CFAP46: variants seen among roughly 807,000 people sequenced by gnomAD.
The protein encoded by CFAP46 is cilia and flagella associated protein 46, also known as cilia- and flagella-associated protein 46.
A neutral mutation model predicts 325.7 loss-of-function variants in CFAP46; 245 were observed. The observed-to-expected ratio is 0.75, with a 90% confidence interval of 0.68 to 0.84. The LOEUF (loss-of-function observed/expected upper bound fraction) is 0.84. Among genes scored for constraint, CFAP46 ranks in the 40% least tolerant of loss-of-function variants. CFAP46 has a pLI of 0.00. For missense variants in CFAP46, 3,346 were observed against 3,543.0 expected (o/e 0.94, Z 1.41); for synonymous variants, 1,523 against 1,495.9 (o/e 1.02, Z -0.42).
chr10:132,811,216 C>T (rs551540499), intron 55 of CFAP46, among the ~76,000 whole-genome samples, 185 bp from the exon 56 acceptor site: 27 of 152,332 alleles, frequency 1.8e-4, no homozygotes, highest in African/African-American at 6.0e-4. Context: ...CAGTGGACCT[C>T]GCCAGCCTCA....
Position 132,869,168 on chromosome 10 carries a change from A to T in CFAP46, c.4610+106T>A. 1.1e-6 allele frequency: 1 copy of T among 891,708 alleles called. No homozygotes were observed. The highest frequency in any genetic ancestry group is 1.6e-6 in the Non-Finnish European group (1 of 616,012). 55.2% of individuals were successfully genotyped at this position (891,708 alleles called of 1,614,324 possible). A position where few individuals can be genotyped will look rare whatever the true frequency, so the allele number is the denominator to read the frequency against. On this transcript the variant is annotated intron_variant, in intron 33 of 57. Transcript: ENST00000368586. The surrounding 1 kb of genome is among the most constrained non-coding windows in gnomAD (Gnocchi z 6.2). ...TCCCCCAAGTGCTCACTCTCCCCAG[A>T]GGGGCAGGAGTCCAGGGAAGAGGGT...
At chr10:132,812,338 C>T (rs1339013975) in intron 55 of CFAP46, among the ~76,000 whole-genome samples, 1 of 152,230 alleles carries the variant, frequency 6.6e-6, no homozygotes, top group Non-Finnish European at 1.5e-5. Context: ...CCACACCTGG[C>T]AGCCCCTCCA....
At chr10:132,816,673 C>G (rs1034353018) in intron 50 of CFAP46, among the ~76,000 whole-genome samples, 4 of 152,184 alleles carry the variant, frequency 2.6e-5, no homozygotes, top group Non-Finnish European at 5.9e-5. Context: ...TTCTGAATTC[C>G]TGGCGCTTTT....
chr10:132,878,387 G>T lies in CFAP46; in HGVS notation c.4006-300C>A, dbSNP rs1015874016. Among the ~76,000 whole-genome samples, 5 of 152,166 alleles carry T rather than the reference G, an allele frequency of 3.3e-5. No individual in the cohort carries two copies. In the South Asian group the frequency reaches 8.3e-4, roughly 25 times the overall value. ...ACAGCGGGACACCCCTGGCCCTGGG[G>T]CTCCCTGCTGGCCATCCCGCACTCT... On this transcript the variant is annotated intron_variant, in intron 29 of 57. Transcript: ENST00000368586.
intron 18 of CFAP46, 110 bp from the exon 19 acceptor site, chr10:132,912,930 C>T (rs1849576512): frequency 9.5e-6 from 14 of 1,481,084 alleles, no homozygotes; most frequent in Middle Eastern, 2.3e-4. Flanking sequence ...CGGGTGCCCA[C>T]GACCCTCCTC....
chr10:132,872,933 G>T, intron 31 of CFAP46, 109 bp from the exon 32 acceptor site: 2 of 1,262,102 alleles, frequency 1.6e-6, no homozygotes, highest in East Asian at 2.5e-5. Context: ...GCACATGTCT[G>T]CACACAGCAG....
Position 132,850,251 on chromosome 10 carries a change from C to T in CFAP46, c.5945G>A (p.Gly1982Asp). 1 of 1,550,588 alleles carries T rather than the reference C, an allele frequency of 6.4e-7. No individual in the cohort carries two copies. Among genetic ancestry groups the T allele is most frequent in the Non-Finnish European group, 8.7e-7 (1 of 1,146,854 alleles). ...AGAAGCAGGAGCACCTACCGAGGGG[C>T]CCGCCTCCCAGTAGCAGGTAGGGTG... Reference protein sequence around the residue: ...PVHPTCYWEAGPSVGAKLSGL... With the variant: ...PVHPTCYWEADPSVGAKLSGL... The change falls in exon 41 of 58, where the codon GGC (glycine) becomes GAC (aspartate). Residue 1982 changes from glycine to aspartate, a missense_variant. Coordinates refer to ENST00000368586, the MANE Select transcript of CFAP46 (RefSeq NM_001200049.3).
intron 22 of CFAP46, among the ~76,000 whole-genome samples, chr10:132,900,381 C>CA (rs976603191): frequency 1.3e-5 from 2 of 152,386 alleles, no homozygotes; most frequent in Admixed American, 1.3e-4. Context: ...GCTGGGGCTG[C>CA]AACGCCACAC....
chr10:132,900,872 A>G (rs997919844), intron 22 of CFAP46, among the ~76,000 whole-genome samples: 5 of 152,256 alleles, frequency 3.3e-5, no homozygotes, highest in African/African-American at 7.2e-5. Flanking sequence ...GTTAAAATCT[A>G]CAGCTAGAAT....
chr10:132,844,597 T>C (rs1848403941), intron 44 of CFAP46, among the ~76,000 whole-genome samples: 2 of 151,606 alleles, frequency 1.3e-5, no homozygotes, highest in South Asian at 4.2e-4. Flanking sequence ...GCCTGAGGAG[T>C]GGTGGCCCCC....
In CFAP46 at chr10:132,885,821, A is replaced by G. The variant is rs757558718; in HGVS notation, c.3443T>C (p.Leu1148Pro). ...VQVLPRTAHR[L>P]LIFKHMVIVK... ...CACAGGCGGTGGGGGGAGCACTCAC[A>G]GGCGGTGGGCCGTCCTTGGCAGCAC... The change falls in exon 26 of 58, where the codon CTC (leucine) becomes CCC (proline). Residue 1148 changes from leucine (L) to proline (P), a missense_variant and splice_region_variant. Leu to Pro is a moderately conservative substitution (Grantham distance 98, BLOSUM62 -3). Coordinates refer to ENST00000368586, the MANE Select transcript of CFAP46 (RefSeq NM_001200049.3). 6.6e-7 allele frequency: 1 copy of G among 1,508,092 alleles called. No individual in the cohort carries two copies. The highest frequency in any genetic ancestry group is 1.4e-5 in the African/African-American group (1 of 71,732). 93.4% of individuals were successfully genotyped at this position (1,508,092 alleles called of 1,614,324 possible). A position where few individuals can be genotyped will look rare whatever the true frequency, so the allele number is the denominator to read the frequency against.
chr10:132,814,742 C>A lies in CFAP46; in HGVS notation c.7193G>T (p.Ser2398Ile). The change falls in exon 52 of 58, where the codon AGC becomes ATC. Residue 2398 changes from serine to isoleucine, a missense_variant. Ser to Ile is a moderately radical substitution (Grantham distance 142). Coordinates refer to ENST00000368586, the MANE Select transcript of CFAP46 (RefSeq NM_001200049.3). ...RSLAKKGRKGSIPRTIPPDCI... is the reference protein window; with the variant it reads ...RSLAKKGRKGIIPRTIPPDCI... ...GTCAGGGGGGATGGTCCGGGGGATG[C>A]TGCCCTGCAACCACAGACCAGGGTC... 6.2e-7 allele frequency: 1 copy of A among 1,613,666 alleles called. No homozygotes were observed. The highest frequency in any genetic ancestry group is 8.5e-7 in the Non-Finnish European group (1 of 1,179,832).
Position 132,808,703 on chromosome 10 carries a change from G to GTGGGGA in CFAP46, c.7860_7865dup (p.Pro2621_His2622dup), listed in dbSNP as rs1026442359. The GTGGGGA allele has an allele frequency of 6.4e-7, 1 of 1,569,258 alleles. No homozygotes were observed. The highest frequency in any genetic ancestry group is 1.4e-5 in the African/African-American group (1 of 73,794). ...GGGAGCTGGGGATGGGAGCCGGGAGGTGGGGATGGGTTGGCAGAGGGGCAG... is the reference window on the plus strand; with the variant it reads ...GGGAGCTGGGGATGGGAGCCGGGAGGTGGGGATGGGGATGGGTTGGCAGAGGGGCAG... On this transcript the variant is annotated inframe_insertion, in exon 58 of 58. Transcript: ENST00000368586. The surrounding 1 kb of genome is among the most constrained non-coding windows in gnomAD (Gnocchi z 6.8).
chr10:132,839,206 G>A (rs1848312291), intron 44 of CFAP46, among the ~76,000 whole-genome samples: 1 of 150,754 alleles, frequency 6.6e-6, no homozygotes, highest in Non-Finnish European at 1.5e-5. Flanking sequence ...GAATTTCAGC[G>A]CAGTCTGATT....
rs1280666344 is a variant in CFAP46 at position 132,817,416 on chromosome 10, G to T, written c.7118-2502C>A. Among the ~76,000 whole-genome samples, 4 of 152,122 alleles carry T rather than the reference G, an allele frequency of 2.6e-5. No individual in the cohort carries two copies. Among genetic ancestry groups the T allele is most frequent in the African/African-American group, 4.8e-5 (2 of 41,420 alleles). On this transcript the variant is annotated intron_variant, in intron 50 of 57. Transcript: ENST00000368586. This position sits in a 1 kb window ranked among gnomAD's most constrained non-coding sequence, Gnocchi z 4.4. ...ATCTCCTGTGTCTTCTCACTGGCAG[G>T]GTTGGCCAATTTTCTTTTTTTGATA...
Position 132,919,115 on chromosome 10 carries a change from C to T in CFAP46, c.1858+200G>A, listed in dbSNP as rs746409216. Among the ~76,000 whole-genome samples, 8 of 152,220 alleles carry T rather than the reference C, an allele frequency of 5.3e-5. No homozygotes were observed. The highest frequency in any genetic ancestry group is 1.0e-4 in the Non-Finnish European group (7 of 68,036). ...GAGTGTGACGACGGTGCTCGTGGCT[C>T]GGCCGACACAGCCAGATGTGGCCGC... On this transcript the variant is annotated intron_variant, in intron 15 of 57. Transcript: ENST00000368586. The surrounding 1 kb of genome is among the most constrained non-coding windows in gnomAD (Gnocchi z 9.7).
chr10:132,929,861 T>C, intron 8 of CFAP46, 57 bp from the exon 9 acceptor site: 1 of 1,287,464 alleles, frequency 7.8e-7, no homozygotes, highest in South Asian at 1.3e-5. Flanking sequence ...GAAACATGGC[T>C]GCAGGCGAGA....
chr10:132,853,727 T>C (rs1393002738), intron 39 of CFAP46, among the ~76,000 whole-genome samples: 1 of 152,228 alleles, frequency 6.6e-6, no homozygotes, highest in Admixed American at 6.5e-5. Flanking sequence ...TCTTTCTTTT[T>C]GAGTGGGCTT....
rs1227170907 is a variant in CFAP46, at chr10:132,877,675, C to CTA, written c.4212+205_4212+206insTA. On this transcript the variant is annotated intron_variant, in intron 30 of 57. Transcript: ENST00000368586. The surrounding 1 kb of genome is among the most constrained non-coding windows in gnomAD (Gnocchi z 5.7). ...AGGGAGAGAAACTGAGGCACAGAGG[C>CTA]CAGCCGGGGCCCAGCCTCTGCACTG... Among the ~76,000 whole-genome samples, 3 of 152,060 alleles carry CTA rather than the reference C, an allele frequency of 2.0e-5. No homozygotes were observed. The highest frequency in any genetic ancestry group is 4.8e-5 in the African/African-American group (2 of 41,408).
Sources: allele counts gnomAD v4.1 joint callset (sites outside exome capture counted in the v4.1 genomes callset), GRCh38; gene constraint gnomAD v4.1.1; non-coding constraint Gnocchi (gnomAD v3.1); transcripts MANE v1.5; gene names NCBI Gene and HGNC (gene_info 2026-07-23, HGNC 2026-07-21).